DPYSL5: variants seen among roughly 807,000 people sequenced by gnomAD.
DPYSL5 encodes the protein dihydropyrimidinase-related protein 5.
In DPYSL5, 9 loss-of-function variants were observed where a neutral mutation model predicts 58.4. The ratio of observed to expected loss-of-function variants is 0.15; its 90% CI spans 0.09 to 0.27. DPYSL5 has a LOEUF of 0.27. DPYSL5 is among the 10% of genes least tolerant of loss of function. DPYSL5 has a pLI of 1.00. For synonymous variants in DPYSL5, 293 were observed against 301.9 expected (o/e 0.97, Z 0.31); for missense variants, 499 against 770.6 (o/e 0.65, Z 4.17).
chr2:26,903,941 G>A (rs111352413), intron 2 of DPYSL5, among the ~76,000 whole-genome samples: 1,924 of 152,324 alleles, frequency 0.013, 38 homozygotes, highest in African/African-American at 0.043. Flanking sequence ...GCCCTCTTCC[G>A]TGAGGGTCCA....
chr2:26,896,981 C>T (rs1664038522), intron 1 of DPYSL5, among the ~76,000 whole-genome samples: 1 of 152,132 alleles, frequency 6.6e-6, no homozygotes, highest in South Asian at 2.1e-4. Flanking sequence ...ACCAGGTGTG[C>T]ATTGCTAGTG....
At chr2:26,851,540 G>T (rs1665754861) in intron 1 of DPYSL5, among the ~76,000 whole-genome samples, 1 of 152,128 alleles carries the variant, frequency 6.6e-6, no homozygotes, top group African/African-American at 2.4e-5. Flanking sequence ...AGCTATCTGA[G>T]AATTTCCCCT....
chr2:26,856,778 C>T (rs1665888876), intron 1 of DPYSL5, among the ~76,000 whole-genome samples: 3 of 151,158 alleles, frequency 2.0e-5, no homozygotes, highest in African/African-American at 7.4e-5. Context: ...AAGACTGGCA[C>T]AATATTATGG....
chr2:26,879,874 T>C (rs1663512000), intron 1 of DPYSL5, among the ~76,000 whole-genome samples: 1 of 152,160 alleles, frequency 6.6e-6, no homozygotes, highest in African/African-American at 2.4e-5. Context: ...TCTGCTCACC[T>C]ATGCTGCCAC....
chr2:26,861,653 G>C (rs1398363843), intron 1 of DPYSL5, among the ~76,000 whole-genome samples: 1 of 152,174 alleles, frequency 6.6e-6, no homozygotes, highest in East Asian at 1.9e-4. Flanking sequence ...GCTTCCTCAT[G>C]TAGAGCATTC....
At chr2:26,940,976 G>C (rs1665307797) in intron 9 of DPYSL5, among the ~76,000 whole-genome samples, 1 of 140,636 alleles carries the variant, frequency 7.1e-6, no homozygotes, top group Admixed American at 7.5e-5. Context: ...TCCCTCTGTT[G>C]CCCGGGCTGG....
chr2:26,920,786 T>C (rs2148154600), intron 2 of DPYSL5, among the ~76,000 whole-genome samples: 1 of 152,340 alleles, frequency 6.6e-6, no homozygotes, highest in South Asian at 2.1e-4. Context: ...CCATTGTTAA[T>C]ATTTTGGTCT....
At chr2:26,910,865 A>G (rs188317365) in intron 2 of DPYSL5, among the ~76,000 whole-genome samples, 2 of 151,686 alleles carry the variant, frequency 1.3e-5, no homozygotes, top group Admixed American at 1.3e-4. Flanking sequence ...TTTTTTGAAG[A>G]GCAGTAGTTT....
intron 2 of DPYSL5, among the ~76,000 whole-genome samples, chr2:26,913,993 T>C (rs1664502103): frequency 1.3e-5 from 2 of 150,324 alleles, no homozygotes; most frequent in African/African-American, 4.9e-5. Flanking sequence ...ATATATATAC[T>C]AACTTATCAG....
Position 26,942,417 on chromosome 2 carries a change from A to T in DPYSL5, c.1233-126A>T. On this transcript the variant is annotated intron_variant, in intron 10 of 12. Coordinates refer to ENST00000288699, the MANE Select transcript of DPYSL5 (RefSeq NM_020134.4). The surrounding 1 kb of genome is among the most constrained non-coding windows in gnomAD (Gnocchi z 5.9). ...AGGTTCTGGGTGTTAGAACTTCAGC[A>T]GAAGAATTTTGAAGGGAGCCAATTC... 9.0e-7 allele frequency: 1 copy of T among 1,107,332 alleles called. No homozygotes were observed. Among genetic ancestry groups the T allele is most frequent in the Non-Finnish European group, 1.3e-6 (1 of 771,962 alleles). The allele number at this position is 1,107,332 out of a possible 1,614,324, so 68.6% of individuals were successfully genotyped here. A position where few individuals can be genotyped will look rare whatever the true frequency, so the allele number is the denominator to read the frequency against.
Position 26,934,811 on chromosome 2 carries a change from C to T in DPYSL5, c.947+77C>T. Reference sequence around the variant, plus strand: ...GTCATAGAGGGCCCAGGAAACAAATCTGAGCTAGGTTTGATTTCATTGTGC... The same window carrying T: ...GTCATAGAGGGCCCAGGAAACAAATTTGAGCTAGGTTTGATTTCATTGTGC... On this transcript the variant is annotated intron_variant, in intron 8 of 12. Transcript: ENST00000288699. This position sits in a 1 kb window ranked among gnomAD's most constrained non-coding sequence, Gnocchi z 4.3. The T allele has an allele frequency of 6.4e-7, 1 of 1,554,308 alleles. No individual in the cohort carries two copies. The highest frequency in any genetic ancestry group is 8.8e-7 in the Non-Finnish European group (1 of 1,141,338).
Position 26,898,839 on chromosome 2 carries a change from A to C in DPYSL5, c.261+79A>C, listed in dbSNP as rs1191927137. 1 of 1,509,350 alleles carries C rather than the reference A, an allele frequency of 6.6e-7. No individual in the cohort carries two copies. Among genetic ancestry groups the C allele is most frequent in the African/African-American group, 1.4e-5 (1 of 72,096 alleles). The allele number at this position is 1,509,350 out of a possible 1,614,324, so 93.5% of individuals were successfully genotyped here. A position where few individuals can be genotyped will look rare whatever the true frequency, so the allele number is the denominator to read the frequency against. ...TCTAGGGCTGCTCCAGACTAGACTC[A>C]TGTGAGCCAGGTGCTCCCAGTGTAT... On this transcript the variant is annotated intron_variant, in intron 2 of 12. Coordinates refer to ENST00000288699, the MANE Select transcript of DPYSL5 (RefSeq NM_020134.4). This position sits in a 1 kb window ranked among gnomAD's most constrained non-coding sequence, Gnocchi z 6.1.
At chr2:26,902,125 A>G (rs1012547655) in intron 2 of DPYSL5, among the ~76,000 whole-genome samples, 2 of 152,150 alleles carry the variant, frequency 1.3e-5, no homozygotes, top group Non-Finnish European at 2.9e-5. Context: ...CTGGCTAACA[A>G]TACAGACCTC....
intron 2 of DPYSL5, among the ~76,000 whole-genome samples, chr2:26,923,426 C>T (rs1664752214): frequency 6.6e-6 from 1 of 152,168 alleles, no homozygotes; most frequent in African/African-American, 2.4e-5. Flanking sequence ...TTTACTTAAC[C>T]TTCACAACTA....
At chr2:26,932,805 C>T (rs1220339925) in intron 6 of DPYSL5, among the ~76,000 whole-genome samples, 1 of 152,212 alleles carries the variant, frequency 6.6e-6, no homozygotes, top group African/African-American at 2.4e-5. Context: ...TTTTGTTCAT[C>T]TCCAGGGTGC....
In DPYSL5 at chr2:26,922,294, C is replaced by T. The variant is rs141303433; in HGVS notation, c.262-2593C>T. Among the ~76,000 whole-genome samples the T allele has an allele frequency of 7.2e-4, 109 of 152,304 alleles. No homozygotes were observed. The South Asian group carries it at 0.018, about 26-fold the overall frequency. ...CTGCAGGATCAATTCAGGATAGGCG[C>T]GTGTGGGCTGGGGGCAGGCACAGAG... On this transcript the variant is annotated intron_variant, in intron 2 of 12. Coordinates refer to ENST00000288699, the MANE Select transcript of DPYSL5 (RefSeq NM_020134.4).
intron 1 of DPYSL5, among the ~76,000 whole-genome samples, chr2:26,878,937 A>C (rs774686511): frequency 2.0e-5 from 3 of 152,196 alleles, no homozygotes; most frequent in Non-Finnish European, 2.9e-5. Flanking sequence ...GCAGTCCTCC[A>C]GCCCAGTCAG....
At chr2:26,936,226 C>G (rs1665172398) in intron 8 of DPYSL5, among the ~76,000 whole-genome samples, 1 of 152,198 alleles carries the variant, frequency 6.6e-6, no homozygotes, top group African/African-American at 2.4e-5. Flanking sequence ...GCTTTCTAGA[C>G]CTGGGGGATG....
At chr2:26,882,966 G>A (rs1218108477) in intron 1 of DPYSL5, among the ~76,000 whole-genome samples, 1 of 151,374 alleles carries the variant, frequency 6.6e-6, no homozygotes. Context: ...AAATTAGGGG[G>A]GCAGAAATCC....
Sources: gnomAD v4.1 joint callset for allele counts (sites outside exome capture counted in the v4.1 genomes callset) on GRCh38, gnomAD v4.1.1 for gene constraint, Gnocchi (gnomAD v3.1) non-coding constraint, MANE v1.5 for transcripts, NCBI Gene and HGNC (gene_info 2026-07-23, HGNC 2026-07-21) for gene names.